The following PLD5 variants were observed in gnomAD, a reference collection of about 807,000 sequenced individuals.
PLD5 encodes phospholipase D family member 5.
Under a neutral mutation model 61.1 loss-of-function variants are expected in PLD5, and 36 were observed. The ratio of observed to expected loss-of-function variants is 0.59; its 90% CI spans 0.45 to 0.78. PLD5 has a LOEUF of 0.78. Ranked by LOEUF, PLD5 falls within the 30% of genes least tolerant of loss-of-function variation. The probability of loss-of-function intolerance (pLI) is 0.00; values close to 1 mark genes in which losing one functional copy is unlikely to be tolerated. For synonymous variants in PLD5, 243 were observed against 242.8 expected (o/e 1.00, Z -0.01); for missense variants, 515 against 644.4 (o/e 0.80, Z 2.17).
intron 5 of PLD5, among the ~76,000 whole-genome samples, chr1:242,145,912 G>C (rs1664513119): frequency 6.6e-6 from 1 of 152,228 alleles, no homozygotes; most frequent in South Asian, 2.1e-4. Context: ...CTGGCCTCAA[G>C]TGATCCACTC....
At chr1:242,289,607 G>A (rs1675240977) in intron 2 of PLD5, among the ~76,000 whole-genome samples, 1 of 151,912 alleles carries the variant, frequency 6.6e-6, no homozygotes, top group African/African-American at 2.4e-5. Flanking sequence ...CCCCTGCCTT[G>A]GCCTCCCAAA....
intron 5 of PLD5, among the ~76,000 whole-genome samples, chr1:242,164,896 G>A (rs1325354887): frequency 1.3e-5 from 2 of 152,080 alleles, no homozygotes; most frequent in Non-Finnish European, 1.5e-5. Flanking sequence ...GTTTCCTGCT[G>A]CTCTGCCTAA....
At chr1:242,268,923 A>G (rs1160372351) in intron 3 of PLD5, among the ~76,000 whole-genome samples, 1 of 151,884 alleles carries the variant, frequency 6.6e-6, no homozygotes, top group Non-Finnish European at 1.5e-5. Flanking sequence ...GCTCACTGCA[A>G]CCTCTGCCTC....
At chr1:242,182,760 T>G (rs1667601247) in intron 5 of PLD5, among the ~76,000 whole-genome samples, 1 of 152,124 alleles carries the variant, frequency 6.6e-6, no homozygotes, top group African/African-American at 2.4e-5. Flanking sequence ...CAGGAATCTC[T>G]TGAACCCAGG....
chr1:242,363,471 A>G (rs1466537120), intron 1 of PLD5, among the ~76,000 whole-genome samples: 1 of 145,904 alleles, frequency 6.9e-6, no homozygotes, highest in Non-Finnish European at 1.5e-5. Context: ...AAAAAAAAAA[A>G]GCCTCAAAAA....
chr1:242,119,565 T>G (rs1413345512), intron 6 of PLD5, among the ~76,000 whole-genome samples: 2 of 152,216 alleles, frequency 1.3e-5, no homozygotes, highest in Non-Finnish European at 1.5e-5. Flanking sequence ...GTGTCTCTTC[T>G]TTAAAGAAGA....
chr1:242,323,934 T>A (rs1658584604), intron 2 of PLD5, among the ~76,000 whole-genome samples: 1 of 152,064 alleles, frequency 6.6e-6, no homozygotes, highest in South Asian at 2.1e-4. Flanking sequence ...CCAAACGTAG[T>A]GTGTTCAAGG....
intron 6 of PLD5, among the ~76,000 whole-genome samples, chr1:242,123,020 A>G (rs1323724330): frequency 6.6e-6 from 1 of 152,222 alleles, no homozygotes; most frequent in African/African-American, 2.4e-5. Context: ...GCTTGCTTCA[A>G]ATAAAAATTC....
At chr1:242,109,738 CTG>C (rs947503394) in intron 7 of PLD5, among the ~76,000 whole-genome samples, 1 of 151,848 alleles carries the variant, frequency 6.6e-6, no homozygotes, top group Non-Finnish European at 1.5e-5. Flanking sequence ...TGTGGGGAAA[CTG>C]AATATTTTGA....
chr1:242,125,358 G>A (rs558851567), intron 5 of PLD5, among the ~76,000 whole-genome samples: 23 of 152,120 alleles, frequency 1.5e-4, no homozygotes, highest in South Asian at 8.3e-4. Flanking sequence ...AGATCATTTT[G>A]TCCACCTCTC....
At chr1:242,470,354 AAAAGAAAGAAAG>A (rs375557724) in intron 1 of PLD5, among the ~76,000 whole-genome samples, 2 of 141,300 alleles carry the variant, frequency 1.4e-5, no homozygotes, top group Non-Finnish European at 3.0e-5. Context: ...AGAAAAAAAA[AAAAGAAAGAAAG>A]AAAGAAAGAA....
At chr1:242,501,793 TA>T (rs879784496) in intron 1 of PLD5, among the ~76,000 whole-genome samples, 2,320 of 39,432 alleles carry the variant, frequency 0.059, 36 homozygotes, top group Non-Finnish European at 0.09. Context: ...TATTCCATTA[TA>T]TATATATATA....
chr1:242,286,161 T>C (rs2149134447), intron 3 of PLD5, among the ~76,000 whole-genome samples: 1 of 152,232 alleles, frequency 6.6e-6, no homozygotes, highest in East Asian at 1.9e-4. Context: ...AGAATTTAAA[T>C]GGCTCTGGCC....
At chr1:242,345,885 C>A (rs1466909664) in intron 2 of PLD5, among the ~76,000 whole-genome samples, 1 of 151,488 alleles carries the variant, frequency 6.6e-6, no homozygotes, top group Non-Finnish European at 1.5e-5. Context: ...AAGCAAGATA[C>A]CAGTTCCAGG....
intron 9 of PLD5, 62 bp from the exon 10 acceptor site, chr1:242,090,172 A>G: frequency 6.4e-7 from 1 of 1,573,034 alleles, no homozygotes; most frequent in Non-Finnish European, 8.7e-7. Context: ...TACCCAATAT[A>G]ATGAAATTCA....
At position 242,468,676 on chromosome 1, in the gene PLD5, TAC is replaced by T. The variant is rs551565564; in HGVS notation, c.189+55410_189+55411del. 3.4e-3 allele frequency among the ~76,000 whole-genome samples: 518 copies of T among 151,268 alleles called. 7 individuals carry two copies. The highest frequency in any genetic ancestry group is 0.012 in the African/African-American group (487 of 41,260). The stretch of plus-strand genomic sequence containing the variant: ...GTCAATATCAGCATATGTAAATACA[TAC>T]ACACACACACATACACACACACGCA... On this transcript the variant is annotated intron_variant, in intron 1 of 9. Coordinates refer to ENST00000536534, the MANE Select transcript of PLD5 (RefSeq NM_001372062.1).
At chr1:242,140,999 C>T (rs142738361) in intron 5 of PLD5, among the ~76,000 whole-genome samples, 1 of 152,310 alleles carries the variant, frequency 6.6e-6, no homozygotes, top group African/African-American at 2.4e-5. Flanking sequence ...GAGAGAAGCA[C>T]AATTCCAAGT....
At chr1:242,307,556 A>G (rs1420385268) in intron 2 of PLD5, among the ~76,000 whole-genome samples, 1 of 152,124 alleles carries the variant, frequency 6.6e-6, no homozygotes, top group African/African-American at 2.4e-5. Flanking sequence ...TAGTAGCAGA[A>G]CCAGTTTTTA....
chr1:242,449,500 C>A, intron 1 of PLD5: 1 of 1,514,108 alleles, frequency 6.6e-7, no homozygotes. Flanking sequence ...ACATTTCAGT[C>A]CCTCAATTGC....
Sources: gnomAD v4.1 joint callset for allele counts (sites outside exome capture counted in the v4.1 genomes callset) on GRCh38, gnomAD v4.1.1 for gene constraint, MANE v1.5 for transcripts, NCBI Gene and HGNC (gene_info 2026-07-23, HGNC 2026-07-21) for gene names.